The following LRFN2 variants were observed in gnomAD, a reference collection of about 807,000 sequenced individuals.
LRFN2 encodes leucine-rich repeat and fibronectin type-III domain-containing protein 2.
Under a neutral mutation model 37.3 loss-of-function variants are expected in LRFN2, and 18 were observed. That is an observed-to-expected ratio of 0.48 (90% confidence interval 0.33 to 0.72). The LOEUF (loss-of-function observed/expected upper bound fraction) is 0.72, where lower values mean the gene tolerates loss of function less well. Ranked by LOEUF, LRFN2 falls within the 30% of genes least tolerant of loss-of-function variation. The pLI is 0.02. For missense variants in LRFN2, 1,006 were observed against 1,060.7 expected (o/e 0.95, Z 0.72); for synonymous variants, 556 against 466.6 (o/e 1.19, Z -2.47).
At chr6:40,507,676 A>G (rs951919171) in intron 1 of LRFN2, among the ~76,000 whole-genome samples, 2 of 152,148 alleles carry the variant, frequency 1.3e-5, no homozygotes, top group African/African-American at 4.8e-5. Flanking sequence ...GAAAATGCCT[A>G]GTCCAGCATC....
intron 1 of LRFN2, among the ~76,000 whole-genome samples, chr6:40,483,141 C>T (rs1202392006): frequency 6.6e-6 from 1 of 152,276 alleles, no homozygotes; most frequent in Non-Finnish European, 1.5e-5. Context: ...TCCTCATCCA[C>T]AAAATGGGTG....
intron 1 of LRFN2, among the ~76,000 whole-genome samples, chr6:40,569,759 T>C (rs1193676412): frequency 1.3e-5 from 2 of 152,160 alleles, no homozygotes; most frequent in Non-Finnish European, 2.9e-5. Context: ...TCCACACAGC[T>C]ACCTAGGCCA....
intron 1 of LRFN2, among the ~76,000 whole-genome samples, chr6:40,558,673 TC>T (rs1244433453): frequency 6.6e-6 from 1 of 152,150 alleles, no homozygotes; most frequent in African/African-American, 2.4e-5. Context: ...GAAATTACTG[TC>T]TTTATCATTA....
Position 40,432,464 on chromosome 6 carries a change from A to T in LRFN2, c.650T>A (p.Ile217Asn). Residue 217 changes from isoleucine to asparagine, a missense_variant, in exon 2 of 3, where the codon ATC (isoleucine) becomes AAC (asparagine). Ile to Asn is a moderately radical substitution (Grantham distance 149, BLOSUM62 -3). Around this residue, in one of 4 missense-constraint regions of LRFN2, gnomAD observed 303 missense variants for 299.8 expected, o/e 1.01. Coordinates refer to ENST00000338305, the MANE Select transcript of LRFN2 (RefSeq NM_020737.3). Reference sequence around the variant, plus strand: ...AGCCGAAGCCTGGGAGCGGGCAAAGATGGGATCAGGGGGCAGCTTCTGCAG... The same window carrying T: ...AGCCGAAGCCTGGGAGCGGGCAAAGTTGGGATCAGGGGGCAGCTTCTGCAG... ...NRLQKLPPDPIFARSQASALT... is the reference protein window; with the variant it reads ...NRLQKLPPDPNFARSQASALT... 2 of 1,614,226 alleles carry T rather than the reference A, an allele frequency of 1.2e-6. No homozygotes were observed. The highest frequency in any genetic ancestry group is 2.2e-5 in the South Asian group (2 of 91,084).
In LRFN2 at chr6:40,488,005, C is replaced by T. The variant is rs535774855; in HGVS notation, c.-18-54874G>A. ...CATAGCAGTCCCCAGGCTCCCCAGT[C>T]ACAGCAGCAGCCCCCAGTTCTTCCC... On this transcript the variant is annotated intron_variant, in intron 1 of 2. Transcript: ENST00000338305. Among the ~76,000 whole-genome samples the T allele has an allele frequency of 3.0e-3, 453 of 152,262 alleles. 2 individuals carry two copies. The highest frequency in any genetic ancestry group is 6.8e-3 in the Middle Eastern group (2 of 294).
chr6:40,500,968 A>G (rs1257235468), intron 1 of LRFN2, among the ~76,000 whole-genome samples: 1 of 137,896 alleles, frequency 7.3e-6, no homozygotes, highest in African/African-American at 2.7e-5. Context: ...TTTTTTTTGC[A>G]TTGAGCATAT....
At chr6:40,424,126 G>A (rs1017925504) in intron 2 of LRFN2, among the ~76,000 whole-genome samples, 1 of 152,196 alleles carries the variant, frequency 6.6e-6, no homozygotes, top group Admixed American at 6.5e-5. Context: ...CTGGTGACAT[G>A]TAAACCAGAA....
chr6:40,393,598 A>AC (rs1165636132), intron 2 of LRFN2, among the ~76,000 whole-genome samples: 1 of 151,784 alleles, frequency 6.6e-6, no homozygotes, highest in East Asian at 1.9e-4. Flanking sequence ...ACAAAGGGAC[A>AC]CCCGCTACTT....
rs183599309 is a variant in LRFN2, at chr6:40,460,273, G to A, written c.-18-27142C>T. ...ATGCAGTGAAAAATCAGTCACCAGG[G>A]TTCTGGCCACAGACCCAGGACTTCT... On this transcript the variant is annotated intron_variant, in intron 1 of 2. Transcript: ENST00000338305. Among the ~76,000 whole-genome samples the A allele has an allele frequency of 7.0e-4, 106 of 152,220 alleles. 2 individuals are homozygous for A. Among genetic ancestry groups the A allele is most frequent in the African/African-American group, 2.4e-3 (99 of 41,546 alleles).
At chr6:40,502,932 A>G (rs1765425467) in intron 1 of LRFN2, among the ~76,000 whole-genome samples, 2 of 152,230 alleles carry the variant, frequency 1.3e-5, no homozygotes, top group Non-Finnish European at 2.9e-5. Flanking sequence ...GAAAAATCAC[A>G]AAGGAGCTGA....
chr6:40,586,727 G>T (rs1246952267), intron 1 of LRFN2, among the ~76,000 whole-genome samples: 2 of 152,114 alleles, frequency 1.3e-5, no homozygotes, highest in East Asian at 3.9e-4. Flanking sequence ...CCCCACTGTA[G>T]GAAATAAAGA....
intron 1 of LRFN2, chr6:40,501,904 A>G (rs749852271): frequency 6.6e-6 from 1 of 152,102 alleles, no homozygotes; most frequent in African/African-American, 2.4e-5. Context: ...TAGCCTGAAC[A>G]TTCCACCTTG....
intron 1 of LRFN2, among the ~76,000 whole-genome samples, chr6:40,437,523 G>A (rs529364616): frequency 7.9e-5 from 12 of 152,256 alleles, no homozygotes; most frequent in Admixed American, 2.0e-4. Flanking sequence ...ATTAACAAAC[G>A]TCTAATGAAT....
chr6:40,469,734 C>T (rs983549227), intron 1 of LRFN2, among the ~76,000 whole-genome samples: 5 of 152,148 alleles, frequency 3.3e-5, no homozygotes, highest in Admixed American at 3.3e-4. Context: ...AGGGGCCTTT[C>T]GGGGTTCCAG....
intron 1 of LRFN2, among the ~76,000 whole-genome samples, chr6:40,568,588 G>A (rs1317524381): frequency 6.6e-6 from 1 of 152,192 alleles, no homozygotes; most frequent in Non-Finnish European, 1.5e-5. Flanking sequence ...AAGAAACACA[G>A]TGCTAAATTA....
chr6:40,488,739 T>A (rs1765024720), intron 1 of LRFN2, among the ~76,000 whole-genome samples: 1 of 152,144 alleles, frequency 6.6e-6, no homozygotes, highest in African/African-American at 2.4e-5. Context: ...CCACTGTGTT[T>A]TAGGGGTAGT....
At chr6:40,520,964 C>G (rs530641012) in intron 1 of LRFN2, among the ~76,000 whole-genome samples, 2 of 152,204 alleles carry the variant, frequency 1.3e-5, no homozygotes, top group South Asian at 2.1e-4. Context: ...GACATACGCA[C>G]TGGAACAAAC....
intron 2 of LRFN2, among the ~76,000 whole-genome samples, chr6:40,431,306 T>C (rs1230871477): frequency 6.6e-6 from 1 of 152,194 alleles, no homozygotes; most frequent in Non-Finnish European, 1.5e-5. Context: ...TAACCATGAC[T>C]GCATATGAGT....
chr6:40,424,973 A>G (rs1330217417), intron 2 of LRFN2, among the ~76,000 whole-genome samples: 1 of 152,194 alleles, frequency 6.6e-6, no homozygotes, highest in African/African-American at 2.4e-5. Context: ...CCACAGCCCC[A>G]CTGAGGTGTG....
Sources: allele counts gnomAD v4.1 joint callset (sites outside exome capture counted in the v4.1 genomes callset), GRCh38; gene constraint gnomAD v4.1.1; regional missense constraint gnomAD v4.1.1; transcripts MANE v1.5; gene names NCBI Gene and HGNC (gene_info 2026-07-23, HGNC 2026-07-21).